Variants in TRIO observed in about 807,000 individuals in gnomAD.
TRIO encodes trio Rho guanine nucleotide exchange factor.
A neutral mutation model predicts 351.9 loss-of-function variants in TRIO; 58 were observed. The ratio of observed to expected loss-of-function variants is 0.16; its 90% CI spans 0.13 to 0.21. TRIO has a LOEUF of 0.21. TRIO is among the 10% of genes least tolerant of loss of function. The pLI is 1.00. For synonymous variants in TRIO, 1,758 were observed against 1,595.7 expected, an observed-to-expected ratio of 1.10 and a Z score of -2.42; for missense variants, 3,201 against 4,027.8, an observed-to-expected ratio of 0.79 and a Z score of 5.56.
intron 11 of TRIO, among the ~76,000 whole-genome samples, 199 bp downstream of exon 11, chr5:14,336,926 T>C (rs948192386): frequency 1.3e-5 from 2 of 152,198 alleles, no homozygotes; most frequent in Non-Finnish European, 2.9e-5. Flanking sequence ...TGTGAGCGCA[T>C]GGCTGCCTTT....
Position 14,481,614 on chromosome 5 carries a change from T to G in TRIO, c.6461T>G (p.Phe2154Cys), listed in dbSNP as rs1463713199. The G allele has an allele frequency of 6.2e-7, 1 of 1,614,144 alleles. No individual in the cohort carries two copies. Among genetic ancestry groups the G allele is most frequent in the South Asian group, 1.1e-5 (1 of 91,070 alleles). The change falls in exon 45 of 57, where the codon TTC becomes TGC. Residue 2154 changes from phenylalanine to cysteine, a missense_variant. This residue lies in a region of TRIO where 307 missense variants were observed against 396.5 expected (regional missense o/e 0.77). Transcript: ENST00000344204. Reference protein sequence around the residue: ...DMMNVGRLQGFDGKIVAQGKL... With the variant: ...DMMNVGRLQGCDGKIVAQGKL... ...ATGAACGTGGGGCGGCTGCAAGGATTCGACGTAATGCGGCTCTTGTTTTTT... is the reference window on the plus strand; with the variant it reads ...ATGAACGTGGGGCGGCTGCAAGGATGCGACGTAATGCGGCTCTTGTTTTTT...
chr5:14,242,013 A>T (rs756488983), intron 1 of TRIO, among the ~76,000 whole-genome samples: 3 of 152,238 alleles, frequency 2.0e-5, no homozygotes, highest in Admixed American at 1.3e-4. Flanking sequence ...TGTGCCGGGC[A>T]CTGGTCAAAA....
chr5:14,157,690 T>G (rs1344980895), intron 1 of TRIO, among the ~76,000 whole-genome samples: 1 of 152,096 alleles, frequency 6.6e-6, no homozygotes, highest in Admixed American at 6.6e-5. Context: ...TGGGCTCAAG[T>G]GATCCTGCCT....
chr5:14,178,082 T>G (rs1789514977), intron 1 of TRIO, among the ~76,000 whole-genome samples: 1 of 152,236 alleles, frequency 6.6e-6, no homozygotes, highest in African/African-American at 2.4e-5. Context: ...TTTCCTTGTT[T>G]GTGGAGTAAT....
At chr5:14,259,735 T>C (rs1415028747) in intron 1 of TRIO, among the ~76,000 whole-genome samples, 1 of 152,036 alleles carries the variant, frequency 6.6e-6, no homozygotes, top group Non-Finnish European at 1.5e-5. Context: ...AAATTAACTG[T>C]AGATTGCATG....
intron 1 of TRIO, among the ~76,000 whole-genome samples, chr5:14,191,502 A>T (rs1187036575): frequency 6.7e-6 from 1 of 148,890 alleles, no homozygotes; most frequent in Non-Finnish European, 1.5e-5. Context: ...CATACACTCC[A>T]GCCTGGGTGA....
chr5:14,498,618 G>C lies in TRIO; in HGVS notation c.8310G>C (p.Ser2770=). The C allele has an allele frequency of 6.2e-7, 1 of 1,613,862 alleles. No homozygotes were observed. Among genetic ancestry groups the C allele is most frequent in the Non-Finnish European group, 8.5e-7 (1 of 1,179,744 alleles). Residue 2770 remains serine, a synonymous_variant, in exon 53 of 57, where the codon TCG becomes TCC. Transcript: ENST00000344204. Reference sequence around the variant, plus strand: ...TCAATGACATGGGTTCAGCCTCATCGTCGGCCAGCCTGAGGGTCCTAGGTA... The same window carrying C: ...TCAATGACATGGGTTCAGCCTCATCCTCGGCCAGCCTGAGGGTCCTAGGTA... ...IAVNDMGSAS[S]SASLRVLGPG... is the part of the protein sequence containing the mutation.
intron 11 of TRIO, among the ~76,000 whole-genome samples, chr5:14,349,530 TTCC>T (rs2152329843): frequency 6.6e-6 from 1 of 152,356 alleles, no homozygotes; most frequent in African/African-American, 2.4e-5. Context: ...AGCTGTGCTC[TTCC>T]CTTAGGAATT....
At chr5:14,215,035 T>C (rs1321706770) in intron 1 of TRIO, among the ~76,000 whole-genome samples, 1 of 152,230 alleles carries the variant, frequency 6.6e-6, no homozygotes, top group Non-Finnish European at 1.5e-5. Flanking sequence ...TATTTGGTGT[T>C]TACCATGTGT....
intron 1 of TRIO, among the ~76,000 whole-genome samples, chr5:14,221,389 A>G (rs1792609633): frequency 6.6e-6 from 1 of 152,212 alleles, no homozygotes; most frequent in African/African-American, 2.4e-5. Context: ...TCCAAGTCTT[A>G]TCATTTACAA....
chr5:14,161,192 A>G (rs747712307), intron 1 of TRIO, among the ~76,000 whole-genome samples: 5 of 152,180 alleles, frequency 3.3e-5, no homozygotes, highest in African/African-American at 1.2e-4. Context: ...GGTGTGAGCT[A>G]CCATGCCTGG....
At chr5:14,399,259 C>T (rs1293251829) in intron 30 of TRIO, 189 bp downstream of exon 30, 1 of 607,340 alleles carries the variant, frequency 1.6e-6, no homozygotes, top group Non-Finnish European at 2.9e-6. Flanking sequence ...CTAGAGGGTG[C>T]TCTGGAGTTT....
At chr5:14,294,281 G>A (rs30632) in intron 6 of TRIO, among the ~76,000 whole-genome samples, 69,718 of 152,118 alleles carry the variant, frequency 0.46, 17,664 homozygotes, top group East Asian at 0.58. Flanking sequence ...TCAACTAGGT[G>A]CTACAATTTA....
At chr5:14,304,375 C>T in intron 7 of TRIO, 86 bp from the exon 8 acceptor site, 3 of 1,401,632 alleles carry the variant, frequency 2.1e-6, no homozygotes, top group Non-Finnish European at 9.7e-7. Context: ...CCTCAAGTCC[C>T]CTAATTTTCA....
chr5:14,221,525 G>A (rs904395837), intron 1 of TRIO, among the ~76,000 whole-genome samples: 3 of 152,222 alleles, frequency 2.0e-5, no homozygotes, highest in Admixed American at 1.3e-4. Flanking sequence ...TGTGATTCAT[G>A]GGAGGAGGTC....
chr5:14,145,717 AGG>A (rs1489226142), intron 1 of TRIO, among the ~76,000 whole-genome samples: 1 of 152,202 alleles, frequency 6.6e-6, no homozygotes, highest in Non-Finnish European at 1.5e-5. Context: ...TTGTGAGACC[AGG>A]CTTTTTTACA....
intron 34 of TRIO, among the ~76,000 whole-genome samples, chr5:14,447,135 G>C (rs564907541): frequency 6.6e-6 from 1 of 152,322 alleles, no homozygotes; most frequent in East Asian, 1.9e-4. Context: ...GGGAGGCTAA[G>C]GCAGGAGAAT....
At chr5:14,213,364 A>G (rs1008733150) in intron 1 of TRIO, among the ~76,000 whole-genome samples, 1 of 149,430 alleles carries the variant, frequency 6.7e-6, no homozygotes, top group African/African-American at 2.4e-5. Context: ...AAAATTATTT[A>G]TAATATATGC....
chr5:14,154,526 C>T (rs957111952), intron 1 of TRIO, among the ~76,000 whole-genome samples: 2 of 152,118 alleles, frequency 1.3e-5, no homozygotes, highest in African/African-American at 2.4e-5. Context: ...TCATTTCCTT[C>T]CCACTGTCTC....
Sources: gnomAD v4.1 joint callset for allele counts (sites outside exome capture counted in the v4.1 genomes callset) on GRCh38, gnomAD v4.1.1 for gene constraint, gnomAD v4.1.1 regional missense constraint, MANE v1.5 for transcripts, NCBI Gene and HGNC (gene_info 2026-07-23, HGNC 2026-07-21) for gene names.